Variants in C11orf65 observed in about 807,000 individuals in gnomAD.
C11orf65 encodes chromosome 11 open reading frame 65.
In C11orf65, 38 loss-of-function variants were observed where a neutral mutation model predicts 35.3. The ratio of observed to expected loss-of-function variants is 1.08; its 90% CI spans 0.83 to 1.41. C11orf65 has a LOEUF of 1.41. Ranked by LOEUF, C11orf65 falls within the 40% of genes most tolerant of loss-of-function variation. The pLI is 0.00. For missense variants in C11orf65, 370 were observed against 367.1 expected (o/e 1.01, Z -0.06); for synonymous variants, 105 against 114.4 (o/e 0.92, Z 0.53).
chr11:108,371,816 C>G (rs1034080458), intron 2 of C11orf65, among the ~76,000 whole-genome samples: 7 of 152,140 alleles, frequency 4.6e-5, no homozygotes, highest in Admixed American at 1.3e-4. Flanking sequence ...TACTGTTTTT[C>G]CACAGTGGCC....
intron 1 of C11orf65, among the ~76,000 whole-genome samples, chr11:108,462,307 A>C (rs1260403021): frequency 6.6e-6 from 1 of 152,208 alleles, no homozygotes; most frequent in African/African-American, 2.4e-5. Context: ...TGCCTCTGAA[A>C]GTGCTTGGAT....
Position 108,467,512 on chromosome 11 carries a change from G to T in C11orf65, c.-51C>A, listed in dbSNP as rs1313945931. 1 of 152,304 alleles carries T rather than the reference G, an allele frequency of 6.6e-6. No individual in the cohort carries two copies. Among genetic ancestry groups the T allele is most frequent in the Non-Finnish European group, 1.5e-5 (1 of 68,152 alleles). 9.4% of individuals were successfully genotyped at this position (152,304 alleles called of 1,614,324 possible). A position where few individuals can be genotyped will look rare whatever the true frequency, so the allele number is the denominator to read the frequency against. ...GGGCGCCGCTGGACTCCTAGGTAAC[G>T]TCGCAGGCGGAAATGACGTAACTCA... On this transcript the variant is annotated 5_prime_UTR_variant, in exon 1 of 9. Transcript: ENST00000393084.
chr11:108,317,652 T>TATATATATATATATATACACACAC (rs1399501257), intron 6 of C11orf65: 1 of 117,468 alleles, frequency 8.5e-6, no homozygotes, highest in African/African-American at 5.1e-5. Context: ...TATATATATA[T>TATATATATATATATATACACACAC]ACACACACAC....
chr11:108,329,761 G>A (rs975047589), downstream of C11orf65, among the ~76,000 whole-genome samples: 2 of 152,128 alleles, frequency 1.3e-5, no homozygotes, highest in Admixed American at 6.5e-5. Context: ...AGATATTGAC[G>A]TGTTCTTTTG....
At position 108,368,465 on chromosome 11, in the gene C11orf65, G is replaced by C. The variant is rs770767475; in HGVS notation, c.226+24743C>G. The C allele has an allele frequency of 2.4e-4, 50 of 212,668 alleles. No homozygotes were observed. The highest frequency in any genetic ancestry group is 3.5e-4 in the Non-Finnish European group (37 of 105,220). 13.2% of individuals were successfully genotyped at this position (212,668 alleles called of 1,614,324 possible). A position where few individuals can be genotyped will look rare whatever the true frequency, so the allele number is the denominator to read the frequency against. Reference sequence around the variant, plus strand: ...GTACAGCATTTCTGATCTTTACTTTGCAAGATTAGTGATACTATCCCAATA... The same window carrying C: ...GTACAGCATTTCTGATCTTTACTTTCCAAGATTAGTGATACTATCCCAATA... On this transcript the variant is annotated intron_variant, in intron 2 of 3. Coordinates refer to the C11orf65 transcript ENST00000524755.
At chr11:108,409,321 C>A (rs889344488) in intron 3 of C11orf65, among the ~76,000 whole-genome samples, 2 of 151,944 alleles carry the variant, frequency 1.3e-5, no homozygotes, top group African/African-American at 4.8e-5. Context: ...ATTTTTATGT[C>A]TTCTGTGGGT....
chr11:108,376,906 T>C (rs2091743739), intron 2 of C11orf65, among the ~76,000 whole-genome samples: 2 of 151,930 alleles, frequency 1.3e-5, no homozygotes, highest in African/African-American at 2.4e-5. Flanking sequence ...CCTCGACACA[T>C]ACACTCTCCC....
chr11:108,415,155 A>T (rs1469611505), intron 3 of C11orf65, among the ~76,000 whole-genome samples: 1 of 152,150 alleles, frequency 6.6e-6, no homozygotes, highest in Non-Finnish European at 1.5e-5. Context: ...AGTCCTAGCT[A>T]ATGCAATAAG....
intron 2 of C11orf65, among the ~76,000 whole-genome samples, chr11:108,456,864 C>A (rs1357011000): frequency 2.0e-5 from 3 of 152,058 alleles, no homozygotes; most frequent in Non-Finnish European, 4.4e-5. Context: ...TTAAAGACTT[C>A]TTTTCATTAA....
At chr11:108,311,213 A>G (rs1415435633) in intron 6 of C11orf65, among the ~76,000 whole-genome samples, 1 of 152,084 alleles carries the variant, frequency 6.6e-6, no homozygotes, top group Non-Finnish European at 1.5e-5. Flanking sequence ...ACGTTCAAGC[A>G]GTCCTCCCAC....
chr11:108,448,130 T>C (rs1422794498), intron 2 of C11orf65, among the ~76,000 whole-genome samples: 1 of 152,118 alleles, frequency 6.6e-6, no homozygotes, highest in Non-Finnish European at 1.5e-5. Flanking sequence ...TCTGAAATTG[T>C]GGCAATAATC....
chr11:108,330,468 A>C (rs1460611297), downstream of C11orf65: 2 of 1,581,446 alleles, frequency 1.3e-6, no homozygotes, highest in Non-Finnish European at 1.7e-6. Flanking sequence ...TGAAAAACTT[A>C]GACATAAGCC....
chr11:108,386,742 G>C (rs80207833), intron 7 of C11orf65, among the ~76,000 whole-genome samples: 1,983 of 152,230 alleles, frequency 0.013, 49 homozygotes, highest in African/African-American at 0.044. Context: ...TTTGGTTACA[G>C]TAGGTGCTAA....
intron 6 of C11orf65, among the ~76,000 whole-genome samples, chr11:108,399,246 C>T (rs984432220): frequency 1.4e-4 from 22 of 152,128 alleles, no homozygotes; most frequent in African/African-American, 5.3e-4. Flanking sequence ...TCACATAGGA[C>T]AAAAATATAT....
At chr11:108,315,939 A>C in intron 6 of C11orf65, 1 of 1,605,916 alleles carries the variant, frequency 6.2e-7, no homozygotes, top group Admixed American at 1.7e-5. Context: ...AAACAACGGT[A>C]TAGTAATTCT....
At chr11:108,417,042 T>C (rs1005646104) in intron 3 of C11orf65, among the ~76,000 whole-genome samples, 1 of 152,102 alleles carries the variant, frequency 6.6e-6, no homozygotes, top group African/African-American at 2.4e-5. Flanking sequence ...AGAATGATAA[T>C]ATATAGAGAA....
chr11:108,407,994 CTTTTTA>C (rs1254599832), intron 3 of C11orf65, among the ~76,000 whole-genome samples: 7 of 42,598 alleles, frequency 1.6e-4, no homozygotes, highest in East Asian at 9.6e-4. Context: ...GACTTAATTT[CTTTTTA>C]TTATTATTAT....
At chr11:108,328,452 G>T (rs12418761), downstream of C11orf65, among the ~76,000 whole-genome samples, 1 of 151,924 alleles carries the variant, frequency 6.6e-6, no homozygotes, top group South Asian at 2.1e-4. Flanking sequence ...CGCCACATTG[G>T]CCAGTCTGGT....
chr11:108,468,764 CAT>C (rs942105485), upstream of C11orf65, among the ~76,000 whole-genome samples: 1 of 152,000 alleles, frequency 6.6e-6, no homozygotes, highest in Non-Finnish European at 1.5e-5. Flanking sequence ...GTCATGGAAA[CAT>C]TATGTATATC....
Sources: allele counts gnomAD v4.1 joint callset (sites outside exome capture counted in the v4.1 genomes callset), GRCh38; gene constraint gnomAD v4.1.1; transcripts MANE v1.5; gene names NCBI Gene and HGNC (gene_info 2026-07-23, HGNC 2026-07-21).